Variants in RABGAP1L observed in about 807,000 individuals in gnomAD.
RABGAP1L encodes the protein RAB GTPase activating protein 1 like, also known as rab GTPase-activating protein 1-like.
A neutral mutation model predicts 137.7 loss-of-function variants in RABGAP1L; 63 were observed. The ratio of observed to expected loss-of-function variants is 0.46; its 90% confidence interval spans 0.37 to 0.56. The LOEUF (loss-of-function observed/expected upper bound fraction) is 0.56. Among genes scored for constraint, RABGAP1L ranks in the 20% least tolerant of loss-of-function variants. The pLI, the probability that RABGAP1L is intolerant of heterozygous loss-of-function variation, is 0.00. For synonymous variants in RABGAP1L, 431 were observed against 433.7 expected (o/e 0.99, Z 0.08); for missense variants, 1,095 against 1,244.0 (o/e 0.88, Z 1.80).
chr1:174,915,767 T>C (rs755252887), intron 19 of RABGAP1L, among the ~76,000 whole-genome samples: 13 of 152,208 alleles, frequency 8.5e-5, no homozygotes, highest in Non-Finnish European at 1.6e-4. Context: ...TGCCCATTTT[T>C]AAATTGGGTT....
At position 174,596,205 on chromosome 1, in the gene RABGAP1L, G is replaced by A. The variant is rs966526041; in HGVS notation, c.1711-41170G>A. On this transcript the variant is annotated intron_variant, in intron 13 of 25. Transcript: ENST00000681986. The stretch of plus-strand genomic sequence containing the variant: ...CCCAGGTGAGGCAATGCCTCGCCCT[G>A]CTTCGGCTCGCGCACGGTGCACACA... Among the ~76,000 whole-genome samples, 67 of 94,808 alleles carry A rather than the reference G, an allele frequency of 7.1e-4. 1 individual carries two copies. The highest frequency in any genetic ancestry group is 2.4e-3 in the Admixed American group (27 of 11,452). The allele number at this position is 94,808 out of a possible 152,430, so 62.2% of individuals were successfully genotyped here.
chr1:174,922,949 G>T (rs1440401039), intron 19 of RABGAP1L, among the ~76,000 whole-genome samples: 1 of 152,132 alleles, frequency 6.6e-6, no homozygotes, highest in African/African-American at 2.4e-5. Context: ...CCAGGTAGAA[G>T]GATCACTTGA....
chr1:174,925,122 T>G (rs1278799277), intron 19 of RABGAP1L, among the ~76,000 whole-genome samples: 4 of 151,560 alleles, frequency 2.6e-5, no homozygotes, highest in Non-Finnish European at 5.9e-5. Flanking sequence ...TCCCAGCACT[T>G]TGGGAGGCTG....
intron 13 of RABGAP1L, among the ~76,000 whole-genome samples, chr1:174,627,628 G>T (rs1673019926): frequency 6.6e-6 from 1 of 152,186 alleles, no homozygotes; most frequent in African/African-American, 2.4e-5. Flanking sequence ...ATTTTATCCA[G>T]TAGAGATCAA....
At position 174,448,564 on chromosome 1, in the gene RABGAP1L, A is replaced by T; in HGVS notation, c.1710+54419A>T. 2 of 1,613,610 alleles carry T rather than the reference A, an allele frequency of 1.2e-6. No homozygotes were observed. Among genetic ancestry groups the T allele is most frequent in the South Asian group, 2.2e-5 (2 of 91,070 alleles). On this transcript the variant is annotated intron_variant, in intron 13 of 25. Transcript: ENST00000681986. The surrounding 1 kb of genome is among the most constrained non-coding windows in gnomAD (Gnocchi z 4.2). ...TAACCAAGCCTCTTTCCTACAATCA[A>T]CTGGTCACCCCTTGTCGCTTGAGAA...
At chr1:174,664,498 T>C (rs191925865) in intron 14 of RABGAP1L, among the ~76,000 whole-genome samples, 1 of 152,266 alleles carries the variant, frequency 6.6e-6, no homozygotes, top group East Asian at 1.9e-4. Context: ...ATATTTTAAC[T>C]AATTTTTTAA....
chr1:174,414,331 G>C (rs1291480395), intron 13 of RABGAP1L, among the ~76,000 whole-genome samples: 1 of 152,092 alleles, frequency 6.6e-6, no homozygotes, highest in Non-Finnish European at 1.5e-5. Flanking sequence ...TCTGAAAAGT[G>C]ATATTCATTA....
intron 19 of RABGAP1L, among the ~76,000 whole-genome samples, chr1:174,820,645 T>G (rs1456487402): frequency 2.0e-5 from 3 of 152,306 alleles, no homozygotes; most frequent in East Asian, 3.9e-4. Context: ...AAGAGGAGAT[T>G]AATTCCCTTA....
chr1:174,666,557 A>G (rs333423), intron 14 of RABGAP1L, among the ~76,000 whole-genome samples: 59,412 of 152,102 alleles, frequency 0.39, 14,656 homozygotes, highest in African/African-American at 0.7. Flanking sequence ...AAATGGGAAT[A>G]TTTTAGAAGT....
At chr1:174,960,439 C>T (rs1668989121) in intron 20 of RABGAP1L, among the ~76,000 whole-genome samples, 1 of 152,070 alleles carries the variant, frequency 6.6e-6, no homozygotes, top group African/African-American at 2.4e-5. Context: ...GCTGTAGTCA[C>T]CTTTATTCAA....
chr1:174,335,846 G>T (rs1196097446), intron 11 of RABGAP1L, among the ~76,000 whole-genome samples: 2 of 152,194 alleles, frequency 1.3e-5, no homozygotes, highest in Non-Finnish European at 2.9e-5. Context: ...AAATATTTGT[G>T]TACCTGCTGT....
intron 18 of RABGAP1L, among the ~76,000 whole-genome samples, chr1:174,772,693 A>G (rs1015447479): frequency 6.7e-6 from 1 of 150,336 alleles, no homozygotes; most frequent in Non-Finnish European, 1.5e-5. Context: ...TCTTTTTTTC[A>G]TCTTGCAAAA....
In RABGAP1L at chr1:174,370,967, T is replaced by A; in HGVS notation, c.1466-12T>A. Reference sequence around the variant, plus strand: ...AAAATAATGTTTGTTGGTTTTTGCGTTTCTTCTGCAGAGAGTGATAATGAA... The same window carrying A: ...AAAATAATGTTTGTTGGTTTTTGCGATTCTTCTGCAGAGAGTGATAATGAA... On this transcript the variant is annotated splice_polypyrimidine_tract_variant and intron_variant, in intron 11 of 25. Coordinates refer to ENST00000681986, the MANE Select transcript of RABGAP1L (RefSeq NM_001366446.1). The A allele has an allele frequency of 2.1e-6, 3 of 1,421,348 alleles. No individual in the cohort carries two copies. In the South Asian group the frequency reaches 5.2e-5, roughly 25 times the overall value. 88.0% of individuals were successfully genotyped at this position (1,421,348 alleles called of 1,614,324 possible).
At chr1:174,715,068 G>T (rs1287263929) in intron 17 of RABGAP1L, among the ~76,000 whole-genome samples, 2 of 152,156 alleles carry the variant, frequency 1.3e-5, no homozygotes, top group Non-Finnish European at 2.9e-5. Context: ...TGAAGTGGTA[G>T]CTGGATCCAA....
chr1:174,636,600 G>C (rs1382467498), intron 13 of RABGAP1L, among the ~76,000 whole-genome samples: 2 of 151,718 alleles, frequency 1.3e-5, no homozygotes, highest in African/African-American at 2.4e-5. Flanking sequence ...CAGTTTGTTG[G>C]GTAATTAACC....
intron 1 of RABGAP1L, among the ~76,000 whole-genome samples, chr1:174,167,363 C>T (rs777301477): frequency 3.9e-5 from 6 of 152,036 alleles, no homozygotes; most frequent in East Asian, 1.9e-4. Flanking sequence ...AAGATATACA[C>T]GCATACACAT....
At chr1:174,564,360 C>A (rs1219630269) in intron 13 of RABGAP1L, among the ~76,000 whole-genome samples, 1 of 152,110 alleles carries the variant, frequency 6.6e-6, no homozygotes, top group Non-Finnish European at 1.5e-5. Flanking sequence ...CCTTTGTATG[C>A]AGTTAATATT....
chr1:174,298,114 G>A (rs762254807), intron 10 of RABGAP1L, among the ~76,000 whole-genome samples: 12 of 152,210 alleles, frequency 7.9e-5, no homozygotes, highest in Non-Finnish European at 1.5e-4. Context: ...AAGGGGAACA[G>A]ACTGAAGATA....
intron 12 of RABGAP1L, 57 bp from the exon 13 acceptor site, chr1:174,393,938 A>G: frequency 6.4e-7 from 1 of 1,567,092 alleles, no homozygotes; most frequent in Non-Finnish European, 8.7e-7. Flanking sequence ...TTTCATGGCA[A>G]CAGCAGTTCA....
Sources: gnomAD v4.1 joint callset for allele counts (sites outside exome capture counted in the v4.1 genomes callset) on GRCh38, gnomAD v4.1.1 for gene constraint, Gnocchi (gnomAD v3.1) non-coding constraint, MANE v1.5 for transcripts, NCBI Gene and HGNC (gene_info 2026-07-23, HGNC 2026-07-21) for gene names.